Variants in GIGYF2 observed in about 807,000 individuals in gnomAD.
The protein encoded by GIGYF2 is GRB10 interacting GYF protein 2, also known as GRB10-interacting GYF protein 2.
GIGYF2 carries 25 observed loss-of-function variants against 208.1 expected under a neutral mutation model. That is an observed-to-expected ratio of 0.12 (90% CI 0.09 to 0.17). The LOEUF (loss-of-function observed/expected upper bound fraction) is 0.17. Among genes scored for constraint, GIGYF2 ranks in the 10% least tolerant of loss-of-function variants. The probability of loss-of-function intolerance (pLI) is 1.00; values close to 1 mark genes in which losing one functional copy is unlikely to be tolerated. For synonymous variants in GIGYF2, 534 were observed against 543.8 expected, an observed-to-expected ratio of 0.98 and a Z score of 0.25; for missense variants, 1,302 against 1,579.4, an observed-to-expected ratio of 0.82 and a Z score of 2.98.
chr2:232,769,504 T>TG (rs1276458490), intron 8 of GIGYF2, among the ~76,000 whole-genome samples: 2 of 73,522 alleles, frequency 2.7e-5, no homozygotes, highest in African/African-American at 1.0e-4. Flanking sequence ...AGACTCCATC[T>TG]CAAAAAAAAA....
intron 28 of GIGYF2, among the ~76,000 whole-genome samples, chr2:232,854,093 T>C (rs1690459395): frequency 6.6e-6 from 1 of 152,232 alleles, no homozygotes; most frequent in Non-Finnish European, 1.5e-5. Flanking sequence ...GTTCTTAAGA[T>C]ACACGTGAAG....
intron 2 of GIGYF2, among the ~76,000 whole-genome samples, chr2:232,724,254 C>CA (rs1332169347): frequency 8.5e-6 from 1 of 117,500 alleles, no homozygotes; most frequent in Non-Finnish European, 1.7e-5. Context: ...GACGGGGTTT[C>CA]ACCATGTTGG....
chr2:232,836,043 A>C (rs1479404529), intron 22 of GIGYF2, among the ~76,000 whole-genome samples: 1 of 151,580 alleles, frequency 6.6e-6, no homozygotes, highest in Non-Finnish European at 1.5e-5. Flanking sequence ...CAAATGATCT[A>C]GGAAAAAAAA....
intron 2 of GIGYF2, among the ~76,000 whole-genome samples, chr2:232,724,175 A>T (rs1045267513): frequency 4.1e-5 from 6 of 146,424 alleles, no homozygotes; most frequent in Non-Finnish European, 8.9e-5. Context: ...TGAGTAGCTG[A>T]GATTAACAGG....
Position 232,726,324 on chromosome 2 carries a change from G to A in GIGYF2, c.-43-8831G>A, listed in dbSNP as rs145874842. Among the ~76,000 whole-genome samples the A allele has an allele frequency of 6.0e-3, 846 of 140,816 alleles. 4 individuals are homozygous for A. Among genetic ancestry groups the A allele is most frequent in the African/African-American group, 0.022 (808 of 36,972 alleles). The allele number at this position is 140,816 out of a possible 152,430, so 92.4% of individuals were successfully genotyped here. ...GCGGAGGTTGCAGTGAGCCGCTGTC[G>A]CACCACTGCACTCCAGCCCCAGTGA... On this transcript the variant is annotated intron_variant, in intron 2 of 28. Coordinates refer to ENST00000373563, the MANE Select transcript of GIGYF2 (RefSeq NM_001103146.3).
At chr2:232,846,940 A>C (rs895728030) in intron 26 of GIGYF2, among the ~76,000 whole-genome samples, 1 of 152,242 alleles carries the variant, frequency 6.6e-6, no homozygotes, top group African/African-American at 2.4e-5. Flanking sequence ...ATTTCTCTCT[A>C]AAAAATCTCA....
chr2:232,758,780 A>G (rs1698638062), intron 6 of GIGYF2, among the ~76,000 whole-genome samples: 1 of 152,196 alleles, frequency 6.6e-6, no homozygotes, highest in Non-Finnish European at 1.5e-5. Flanking sequence ...TACAAGTGTA[A>G]GGGCCTTCCT....
intron 2 of GIGYF2, among the ~76,000 whole-genome samples, chr2:232,703,940 C>G (rs528267604): frequency 4.7e-4 from 71 of 152,320 alleles, no homozygotes; most frequent in Non-Finnish European, 9.0e-4. Context: ...TTAACAAACA[C>G]AAACTCATGG....
chr2:232,807,071 G>A (rs560629828), intron 15 of GIGYF2, among the ~76,000 whole-genome samples: 2 of 152,226 alleles, frequency 1.3e-5, no homozygotes, highest in East Asian at 1.9e-4. Context: ...GCTTCCTCTA[G>A]TTAGAATAAA....
chr2:232,810,063 C>T (rs1700687394), intron 16 of GIGYF2, among the ~76,000 whole-genome samples: 1 of 152,238 alleles, frequency 6.6e-6, no homozygotes, highest in Non-Finnish European at 1.5e-5. Flanking sequence ...TCTCGGCTCA[C>T]TGCAACCTCT....
At chr2:232,842,995 T>C (rs1015327375) in intron 23 of GIGYF2, 3 of 152,192 alleles carry the variant, frequency 2.0e-5, no homozygotes, top group Admixed American at 2.0e-4. Context: ...TCCTGAGCCT[T>C]CTTTGTGAAT....
intron 2 of GIGYF2, chr2:232,729,859 T>C (rs1434611345): frequency 1.4e-6 from 1 of 734,998 alleles, no homozygotes; most frequent in African/African-American, 1.7e-5. Context: ...CCTCTTCGTT[T>C]CTTCACTTTT....
At chr2:232,766,967 G>A (rs1698991584) in intron 8 of GIGYF2, 1 of 152,070 alleles carries the variant, frequency 6.6e-6, no homozygotes, top group African/African-American at 2.4e-5. Context: ...TTTAAGGACA[G>A]TTTCTCTTTT....
Position 232,845,714 on chromosome 2 carries a change from C to A in GIGYF2, c.3306-18C>A. ...ACAGTTTCTGGGAATATAATATCAC[C>A]CTATTGTTTTGCTTTAGTAAATCTG... On this transcript the variant is annotated intron_variant, in intron 25 of 28. Transcript: ENST00000373563. 1 of 1,572,720 alleles carries A rather than the reference C, an allele frequency of 6.4e-7. No individual in the cohort carries two copies. Among genetic ancestry groups the A allele is most frequent in the Non-Finnish European group, 8.8e-7 (1 of 1,142,510 alleles).
chr2:232,724,484 T>C (rs1277075716), intron 2 of GIGYF2: 2 of 152,112 alleles, frequency 1.3e-5, no homozygotes, highest in African/African-American at 4.8e-5. Context: ...CTTCAGATCA[T>C]CAATAAGTTA....
intron 14 of GIGYF2, among the ~76,000 whole-genome samples, chr2:232,805,291 C>G (rs1008532131): frequency 6.6e-6 from 1 of 152,202 alleles, no homozygotes; most frequent in African/African-American, 2.4e-5. Context: ...GTTGGTCTAT[C>G]ACGTGGTGGT....
intron 21 of GIGYF2, among the ~76,000 whole-genome samples, chr2:232,820,813 G>T (rs1701056903): frequency 6.6e-6 from 1 of 151,634 alleles, no homozygotes; most frequent in African/African-American, 2.4e-5. Flanking sequence ...TTCTCTTTTT[G>T]GTTTCTTTTT....
At chr2:232,752,893 C>T (rs1022096732) in intron 5 of GIGYF2, among the ~76,000 whole-genome samples, 4 of 151,988 alleles carry the variant, frequency 2.6e-5, no homozygotes, top group Admixed American at 1.3e-4. Flanking sequence ...ATTCAAAAAG[C>T]ACATAATGAA....
chr2:232,713,778 T>C (rs978829441), intron 2 of GIGYF2, among the ~76,000 whole-genome samples: 1 of 152,192 alleles, frequency 6.6e-6, no homozygotes, highest in African/African-American at 2.4e-5. Flanking sequence ...ATGATTAGAC[T>C]GGGGTTATGG....
Sources: allele counts gnomAD v4.1 joint callset (sites outside exome capture counted in the v4.1 genomes callset), GRCh38; gene constraint gnomAD v4.1.1; transcripts MANE v1.5; gene names NCBI Gene and HGNC (gene_info 2026-07-23, HGNC 2026-07-21).